The following DGKB variants were observed in gnomAD, a reference collection of about 807,000 sequenced individuals.
DGKB encodes 90 kDa diacylglycerol kinase.
A neutral mutation model predicts 114.3 loss-of-function variants in DGKB; 67 were observed. The observed-to-expected ratio is 0.59, with a 90% CI of 0.48 to 0.72. The LOEUF (loss-of-function observed/expected upper bound fraction) is 0.72, where lower values mean the gene tolerates loss of function less well. Ranked by LOEUF, DGKB falls within the 30% of genes least tolerant of loss-of-function variation. The pLI is 0.00. For synonymous variants in DGKB, 398 were observed against 323.1 expected (o/e 1.23, Z -2.49); for missense variants, 907 against 975.2 (o/e 0.93, Z 0.93).
chr7:14,299,144 C>G (rs576865836), intron 23 of DGKB, among the ~76,000 whole-genome samples: 1 of 151,998 alleles, frequency 6.6e-6, no homozygotes, highest in South Asian at 2.1e-4. Flanking sequence ...ATAATAGTAA[C>G]CAATCCTCAT....
intron 1 of DGKB, among the ~76,000 whole-genome samples, chr7:14,862,602 G>A (rs762481371): frequency 3.3e-5 from 5 of 151,938 alleles, no homozygotes; most frequent in Non-Finnish European, 7.4e-5. Context: ...TCAAACTCTT[G>A]GAGTTCAATA....
In DGKB at chr7:14,345,604, A is replaced by C. The variant is rs928963123; in HGVS notation, c.1836-213T>G. 7.9e-5 allele frequency among the ~76,000 whole-genome samples: 12 copies of C among 151,690 alleles called. No homozygotes were observed. The Admixed American group carries it at 7.9e-4, about 10-fold the overall frequency. ...GGGAATTATAAGAATGTGTTGATCTAGCAGACTCAAGTACACCTTTAGTTT... is the reference window on the plus strand; with the variant it reads ...GGGAATTATAAGAATGTGTTGATCTCGCAGACTCAAGTACACCTTTAGTTT... On this transcript the variant is annotated intron_variant, in intron 21 of 25. Transcript: ENST00000402815.
Position 14,777,319 on chromosome 7 carries a change from G to A in DGKB, c.71-19588C>T, listed in dbSNP as rs186279586. ...CTTTGGGGGACTGTTGGGAAGGCAT[G>A]GTTGTGTTTTGAAATGTGAGGATAT... On this transcript the variant is annotated intron_variant, in intron 2 of 25. Coordinates refer to ENST00000402815, the MANE Select transcript of DGKB (RefSeq NM_001350709.2). 9.3e-4 allele frequency among the ~76,000 whole-genome samples: 141 copies of A among 152,256 alleles called. 1 individual carries two copies. The highest frequency in any genetic ancestry group is 2.5e-3 in the Admixed American group (38 of 15,292).
intron 17 of DGKB, 57 bp from the exon 18 acceptor site, chr7:14,583,194 A>G (rs1800213480): frequency 9.3e-7 from 1 of 1,071,168 alleles, no homozygotes; most frequent in Non-Finnish European, 1.4e-6. Context: ...AGATGTTTTC[A>G]GTTTTGTATC....
chr7:14,400,963 AT>A (rs1823018288), intron 21 of DGKB, among the ~76,000 whole-genome samples: 3 of 151,752 alleles, frequency 2.0e-5, no homozygotes, highest in African/African-American at 7.2e-5. Flanking sequence ...TCCCCACTCA[AT>A]TTGCTGTCCT....
chr7:14,953,927 A>C (rs777834969), intron 1 of DGKB, among the ~76,000 whole-genome samples: 1 of 152,082 alleles, frequency 6.6e-6, no homozygotes, highest in Admixed American at 6.6e-5. Flanking sequence ...CATCACCTGG[A>C]AACTTGTTAG....
intron 13 of DGKB, among the ~76,000 whole-genome samples, chr7:14,637,140 TG>T (rs1810896627): frequency 6.6e-6 from 1 of 151,936 alleles, no homozygotes; most frequent in Admixed American, 6.6e-5. Flanking sequence ...AATAAAACTT[TG>T]CTAAATAAAT....
intron 2 of DGKB, among the ~76,000 whole-genome samples, chr7:14,767,635 T>C (rs958799588): frequency 6.6e-6 from 1 of 151,956 alleles, no homozygotes; most frequent in Non-Finnish European, 1.5e-5. Context: ...ACAACTTGAA[T>C]ACAATATAAG....
chr7:14,783,031 T>C (rs1013107402), intron 2 of DGKB, among the ~76,000 whole-genome samples: 3 of 152,164 alleles, frequency 2.0e-5, no homozygotes, highest in Non-Finnish European at 4.4e-5. Flanking sequence ...TTTTATACTA[T>C]TCTCTGTAAG....
At chr7:14,300,572 T>C (rs1471156766) in intron 23 of DGKB, among the ~76,000 whole-genome samples, 1 of 152,156 alleles carries the variant, frequency 6.6e-6, no homozygotes, top group Non-Finnish European at 1.5e-5. Context: ...TGTATTCTTA[T>C]AAATCTCTGA....
chr7:14,298,732 A>C (rs189695268), intron 23 of DGKB, among the ~76,000 whole-genome samples: 300 of 152,362 alleles, frequency 2.0e-3, no homozygotes, highest in African/African-American at 6.8e-3. Flanking sequence ...CAGCAAAAGA[A>C]ACTACCATCA....
At chr7:14,360,972 TA>T (rs1392974960) in intron 21 of DGKB, among the ~76,000 whole-genome samples, 3 of 152,086 alleles carry the variant, frequency 2.0e-5, no homozygotes, top group African/African-American at 7.2e-5. Flanking sequence ...CTATATTTTG[TA>T]AAACTTGCAA....
At chr7:14,891,851 C>T (rs115137778) in intron 1 of DGKB, among the ~76,000 whole-genome samples, 1,886 of 151,238 alleles carry the variant, frequency 0.012, 50 homozygotes, top group African/African-American at 0.043. Flanking sequence ...AAAACATGGA[C>T]ATTTAGAAGA....
intron 1 of DGKB, among the ~76,000 whole-genome samples, chr7:14,940,098 C>A (rs1785489979): frequency 6.6e-6 from 1 of 152,088 alleles, no homozygotes; most frequent in Non-Finnish European, 1.5e-5. Flanking sequence ...TAAGCCTCAA[C>A]CTGCTAAAAA....
intron 21 of DGKB, among the ~76,000 whole-genome samples, chr7:14,388,658 T>G (rs564181392): frequency 2.9e-4 from 44 of 152,192 alleles, no homozygotes; most frequent in African/African-American, 1.0e-3. Context: ...ATTGTAAGAA[T>G]AAGTAAATTA....
At chr7:14,614,932 T>G (rs111945753) in intron 15 of DGKB, among the ~76,000 whole-genome samples, 20 of 152,234 alleles carry the variant, frequency 1.3e-4, no homozygotes, top group African/African-American at 4.8e-4. Context: ...AATCAATTAA[T>G]GTACATAAAG....
At chr7:14,388,382 A>T (rs1352325693) in intron 21 of DGKB, among the ~76,000 whole-genome samples, 1 of 147,270 alleles carries the variant, frequency 6.8e-6, no homozygotes, top group African/African-American at 2.5e-5. Flanking sequence ...TTAAGTGTAT[A>T]TACATACTTA....
intron 1 of DGKB, among the ~76,000 whole-genome samples, chr7:14,854,273 C>T (rs1403554919): frequency 2.0e-5 from 3 of 152,072 alleles, no homozygotes; most frequent in Non-Finnish European, 4.4e-5. Flanking sequence ...TTCTTTATAC[C>T]TGATTCTCAT....
intron 1 of DGKB, among the ~76,000 whole-genome samples, chr7:14,908,552 A>G (rs1377005159): frequency 6.6e-6 from 1 of 152,218 alleles, no homozygotes; most frequent in African/African-American, 2.4e-5. Flanking sequence ...AGCCATCTAA[A>G]TGATTAAATC....
Sources: allele counts gnomAD v4.1 joint callset (sites outside exome capture counted in the v4.1 genomes callset), GRCh38; gene constraint gnomAD v4.1.1; transcripts MANE v1.5; gene names NCBI Gene and HGNC (gene_info 2026-07-23, HGNC 2026-07-21).